The following DCAF8L2 variants were observed in gnomAD, a reference collection of about 807,000 sequenced individuals.
DCAF8L2 encodes DDB1 and CUL4 associated factor 8 like 2, also known as DDB1- and CUL4-associated factor 8-like protein 2.
For missense variants in DCAF8L2, 430 were observed against 490.7 expected, an observed-to-expected ratio of 0.88 and a Z score of 1.17; for synonymous variants, 200 against 190.9, an observed-to-expected ratio of 1.05 and a Z score of -0.39.
At chrX:27,526,431 C>G in the DCAF8L2 span, among the ~76,000 whole-genome samples, 1 of 111,994 alleles carries the variant, frequency 8.9e-6, no homozygotes, top group African/African-American at 3.2e-5. Flanking sequence ...TTCATCTAAT[C>G]TTTTTTCAAG....
the DCAF8L2 span, among the ~76,000 whole-genome samples, chrX:27,493,742 A>G: frequency 1.9e-5 from 2 of 106,497 alleles, no homozygotes; most frequent in African/African-American, 3.4e-5. Flanking sequence ...AAAAGAAAAG[A>G]AAAGGAAAGA....
At chrX:27,658,545 C>A (rs1482667487) in intron 2 of DCAF8L2, among the ~76,000 whole-genome samples, 1 of 112,385 alleles carries the variant, frequency 8.9e-6, no homozygotes, top group Non-Finnish European at 1.9e-5. Flanking sequence ...ACTTGGTCCA[C>A]TTCCCCTATC....
chrX:27,615,102 A>G (rs980691047), intron 1 of DCAF8L2, among the ~76,000 whole-genome samples: 49 of 102,861 alleles, frequency 4.8e-4, no homozygotes, highest in Admixed American at 1.4e-3. Context: ...TGGTGGGGAA[A>G]GATGTGTGAG....
At chrX:27,608,052 A>G (rs987235998) in intron 1 of DCAF8L2, among the ~76,000 whole-genome samples, 6 of 111,779 alleles carry the variant, frequency 5.4e-5, no homozygotes, top group African/African-American at 1.9e-4. Context: ...GGAAAAGATG[A>G]CAGTGTTTAT....
chrX:27,503,544 T>A, the DCAF8L2 span, among the ~76,000 whole-genome samples: 6 of 111,253 alleles, frequency 5.4e-5, no homozygotes, highest in Non-Finnish European at 7.5e-5. Flanking sequence ...GTTGAAAAGA[T>A]TATCCTTCCT....
Position 27,591,114 on chromosome X carries a change from T to C in DCAF8L2, c.-342+674T>C, listed in dbSNP as rs185550913. On this transcript the variant is annotated intron_variant, in intron 1 of 4. Coordinates refer to ENST00000451261, the MANE Select transcript of DCAF8L2 (RefSeq NM_001353450.2). ...TTGGTATATCATAAATGCTGGGGGT[T>C]TTTCTTCATCCTGAATTTGAAAATA... Among the ~76,000 whole-genome samples the C allele has an allele frequency of 2.4e-4, 26 of 107,251 alleles. 1 individual carries two copies. The East Asian group carries it at 7.3e-3, about 30-fold the overall frequency. 93.1% of individuals were successfully genotyped at this position (107,251 alleles called of 115,157 possible). A position where few individuals can be genotyped will look rare whatever the true frequency, so the allele number is the denominator to read the frequency against.
At chrX:27,588,909 A>G (rs1925968528), upstream of DCAF8L2, among the ~76,000 whole-genome samples, 1 of 111,132 alleles carries the variant, frequency 9.0e-6, no homozygotes, top group Non-Finnish European at 1.9e-5. Context: ...ACTTATAGAA[A>G]TGACTTAAGT....
At chrX:27,720,375 A>AT (rs58479042) in intron 4 of DCAF8L2, among the ~76,000 whole-genome samples, 11 of 107,234 alleles carry the variant, frequency 1.0e-4, no homozygotes, top group African/African-American at 3.8e-4. Context: ...TATTATTATT[A>AT]TTTTTTTTTG....
At chrX:27,627,585 A>ATG (rs1928086065) in intron 1 of DCAF8L2, 1 of 89,523 alleles carries the variant, frequency 1.1e-5, no homozygotes, top group Non-Finnish European at 2.3e-5. Flanking sequence ...GTGTGTATGC[A>ATG]TGTGTGTGTG....
chrX:27,741,478 G>A (rs1855945705), intron 4 of DCAF8L2, among the ~76,000 whole-genome samples: 1 of 103,737 alleles, frequency 9.6e-6, no homozygotes, highest in East Asian at 3.2e-4. Context: ...AAGACAAAGA[G>A]TAGATGTCTC....
chrX:27,594,103 T>C (rs757591529), intron 1 of DCAF8L2, among the ~76,000 whole-genome samples: 2 of 112,274 alleles, frequency 1.8e-5, no homozygotes, highest in Non-Finnish European at 3.8e-5. Context: ...TTCAAACTTA[T>C]TGTAATGAAA....
intron 3 of DCAF8L2, among the ~76,000 whole-genome samples, chrX:27,694,022 T>C (rs769942406): frequency 8.9e-6 from 1 of 112,207 alleles, no homozygotes; most frequent in African/African-American, 3.2e-5. Flanking sequence ...TGGAATACTA[T>C]GTAGCCACAA....
At chrX:27,487,684 T>G in the DCAF8L2 span, among the ~76,000 whole-genome samples, 1 of 112,452 alleles carries the variant, frequency 8.9e-6, no homozygotes, top group East Asian at 2.8e-4. Flanking sequence ...AAGTGTTAAA[T>G]TTTAATAAAT....
the DCAF8L2 span, among the ~76,000 whole-genome samples, chrX:27,541,462 C>T: frequency 9.3e-6 from 1 of 107,785 alleles, no homozygotes; most frequent in Non-Finnish European, 1.9e-5. Flanking sequence ...CTCCACCTCC[C>T]GAGTTCAAGC....
intron 2 of DCAF8L2, among the ~76,000 whole-genome samples, chrX:27,668,774 G>A (rs1041435069): frequency 1.8e-5 from 2 of 111,162 alleles, no homozygotes; most frequent in East Asian, 2.8e-4. Context: ...CCAACATGGC[G>A]AAACCCCGTC....
chrX:27,711,856 C>T (rs1055371309), intron 3 of DCAF8L2, among the ~76,000 whole-genome samples: 8 of 110,662 alleles, frequency 7.2e-5, no homozygotes, highest in Admixed American at 9.7e-5. Flanking sequence ...AGTTAGCTAA[C>T]TATGAATTCA....
intron 3 of DCAF8L2, among the ~76,000 whole-genome samples, chrX:27,713,573 A>T (rs2147286365): frequency 8.9e-6 from 1 of 112,088 alleles, no homozygotes; most frequent in South Asian, 3.7e-4. Flanking sequence ...GGAGTAAAAA[A>T]GGTATTAATG....
At chrX:27,665,899 C>A (rs772565090) in intron 2 of DCAF8L2, among the ~76,000 whole-genome samples, 5 of 111,855 alleles carry the variant, frequency 4.5e-5, no homozygotes, top group African/African-American at 1.6e-4. Context: ...GTAGTGTAAA[C>A]ATAACTTTTA....
intron 2 of DCAF8L2, among the ~76,000 whole-genome samples, chrX:27,661,671 G>C (rs1437478073): frequency 8.9e-6 from 1 of 111,928 alleles, no homozygotes; most frequent in Non-Finnish European, 1.9e-5. Flanking sequence ...TGAGAATCAT[G>C]AAAAATATTT....
Sources: gnomAD v4.1 joint callset for allele counts (sites outside exome capture counted in the v4.1 genomes callset) on GRCh38, gnomAD v4.1.1 for gene constraint, MANE v1.5 for transcripts, NCBI Gene and HGNC (gene_info 2026-07-23, HGNC 2026-07-21) for gene names.